TMEM217: variants seen among roughly 807,000 people sequenced by gnomAD.
TMEM217 encodes the protein transmembrane protein 217.
For synonymous variants in TMEM217, 76 were observed against 88.3 expected (o/e 0.86, Z 0.78); for missense variants, 204 against 248.8 (o/e 0.82, Z 1.21).
At chr6:37,243,753 C>G (rs1356347653) in intron 1 of TMEM217, among the ~76,000 whole-genome samples, 1 of 152,180 alleles carries the variant, frequency 6.6e-6, no homozygotes, top group African/African-American at 2.4e-5. Flanking sequence ...CATGCACCAC[C>G]ACACCTGGCT....
chr6:37,236,703 A>C (rs1764527212), intron 1 of TMEM217, among the ~76,000 whole-genome samples: 1 of 151,818 alleles, frequency 6.6e-6, no homozygotes, highest in Admixed American at 6.6e-5. Context: ...ATAACAAATT[A>C]CCCCAAAACT....
intron 1 of TMEM217, among the ~76,000 whole-genome samples, chr6:37,255,519 C>T (rs114019581): frequency 0.011 from 1,733 of 151,960 alleles, 25 homozygotes; most frequent in African/African-American, 0.039. Context: ...TTCATCTCTA[C>T]AAAAATACAA....
chr6:37,218,836 A>T (rs763200949), exon 2 of TMEM217: 2 of 1,614,230 alleles, frequency 1.2e-6, no homozygotes, highest in East Asian at 4.5e-5. Context: ...GGACGATTTT[A>T]AAACTCCAGC....
chr6:37,230,948 T>C (rs902486483), intron 1 of TMEM217, among the ~76,000 whole-genome samples: 1 of 152,162 alleles, frequency 6.6e-6, no homozygotes, highest in Non-Finnish European at 1.5e-5. Flanking sequence ...TTTGTTATTG[T>C]TTGTTTTTGT....
At chr6:37,225,910 T>C (rs1030653482) in intron 1 of TMEM217, among the ~76,000 whole-genome samples, 6 of 152,188 alleles carry the variant, frequency 3.9e-5, no homozygotes, top group Non-Finnish European at 7.3e-5. Flanking sequence ...TTAGCCATGA[T>C]TGGAACTGAT....
At chr6:37,224,311 T>A (rs1183372631) in intron 1 of TMEM217, among the ~76,000 whole-genome samples, 1 of 151,276 alleles carries the variant, frequency 6.6e-6, no homozygotes, top group East Asian at 2.0e-4. Context: ...AAAAGAAATT[T>A]TTTTTAGCTG....
rs765576226 is a variant in TMEM217, at chr6:37,219,042, C to T, written c.-11-1G>A. ...TGCTGCTGTTTCATGCTGAGACCTC[C>T]TGTGAAGACAAACAACATGAGGGAG... On this transcript the variant is annotated splice_acceptor_variant, in intron 1 of 1. Transcript: ENST00000357219. LOFTEE classifies it low-confidence loss of function (5UTR_SPLICE). 1.4e-5 allele frequency: 22 copies of T among 1,606,638 alleles called. No homozygotes were observed. Among genetic ancestry groups the T allele is most frequent in the Non-Finnish European group, 1.9e-5 (22 of 1,174,832 alleles).
At chr6:37,219,107 C>T in intron 1 of TMEM217, 66 bp from the exon 2 acceptor site, 1 of 1,395,128 alleles carries the variant, frequency 7.2e-7, no homozygotes, top group Non-Finnish European at 9.8e-7. Flanking sequence ...ACCAGGGTTT[C>T]TGCCTCCTTC....
At chr6:37,252,639 T>TATATATA (rs1562028033) in intron 1 of TMEM217, among the ~76,000 whole-genome samples, 1 of 43,224 alleles carries the variant, frequency 2.3e-5, no homozygotes, top group Non-Finnish European at 4.0e-5. Flanking sequence ...ATATATATAT[T>TATATATA]TTTTTTTTTT....
At chr6:37,239,545 A>G (rs1390878319) in intron 1 of TMEM217, among the ~76,000 whole-genome samples, 1 of 152,198 alleles carries the variant, frequency 6.6e-6, no homozygotes, top group Non-Finnish European at 1.5e-5. Flanking sequence ...GCATTGAAGC[A>G]TAGTGTAATT....
At chr6:37,218,005 T>C (rs1763307866) in exon 2 of TMEM217, 2 of 990,886 alleles carry the variant, frequency 2.0e-6, no homozygotes, top group Non-Finnish European at 2.4e-6. Flanking sequence ...TTTCTCTTCA[T>C]GTTCTCCTGA....
At chr6:37,220,624 C>T (rs568043996) in intron 1 of TMEM217, among the ~76,000 whole-genome samples, 8 of 151,364 alleles carry the variant, frequency 5.3e-5, no homozygotes, top group Non-Finnish European at 8.8e-5. Flanking sequence ...TGTTTAAAGT[C>T]GTCCTAAACT....
At chr6:37,218,222 T>G (rs971483381) in exon 2 of TMEM217, 2 of 1,339,756 alleles carry the variant, frequency 1.5e-6, no homozygotes, top group African/African-American at 1.5e-5. Context: ...CAGGCTGAAG[T>G]GCACTGGCGC....
At chr6:37,247,731 G>A (rs262924) in intron 1 of TMEM217, among the ~76,000 whole-genome samples, 139,137 of 152,196 alleles carry the variant, frequency 0.91, 63,733 homozygotes, top group African/African-American at 0.98. Flanking sequence ...TTAATCCTGT[G>A]AAAAAAACTC....
chr6:37,218,653 G>C, exon 2 of TMEM217: 1 of 1,614,166 alleles, frequency 6.2e-7, no homozygotes, highest in East Asian at 2.2e-5. Flanking sequence ...ACCAGCGCAT[G>C]ATTCTGACCT....
exon 1 of TMEM217, chr6:37,257,872 G>C (rs1187864657): frequency 1.2e-6 from 2 of 1,601,170 alleles, no homozygotes; most frequent in Non-Finnish European, 8.5e-7. Flanking sequence ...GCATCTCGCC[G>C]GGCAAACCCT....
intron 1 of TMEM217, among the ~76,000 whole-genome samples, chr6:37,255,795 G>T (rs375358232): frequency 3.3e-4 from 51 of 152,280 alleles, no homozygotes; most frequent in African/African-American, 1.1e-3. Context: ...TGTGTGGTTG[G>T]TGAAGATTAG....
chr6:37,252,307 C>T (rs1366957580), intron 1 of TMEM217, among the ~76,000 whole-genome samples: 2 of 151,922 alleles, frequency 1.3e-5, no homozygotes, highest in Non-Finnish European at 2.9e-5. Flanking sequence ...ATTACACAGC[C>T]CCGAGAGCTT....
At chr6:37,215,975 C>T (rs982699462), downstream of TMEM217, among the ~76,000 whole-genome samples, 13 of 151,084 alleles carry the variant, frequency 8.6e-5, no homozygotes, top group African/African-American at 2.9e-4. Flanking sequence ...CTCTGAAAGG[C>T]AAAGGAGAGG....
Sources: allele counts gnomAD v4.1 joint callset (sites outside exome capture counted in the v4.1 genomes callset), GRCh38; gene constraint gnomAD v4.1.1; transcripts MANE v1.5; gene names NCBI Gene and HGNC (gene_info 2026-07-23, HGNC 2026-07-21).